Variants in AMT observed in about 807,000 individuals in gnomAD.
The protein encoded by AMT is aminomethyltransferase, mitochondrial.
Under a neutral mutation model 39.5 loss-of-function variants are expected in AMT, and 24 were observed. The observed-to-expected ratio is 0.61, with a 90% confidence interval of 0.44 to 0.86. The LOEUF (loss-of-function observed/expected upper bound fraction) is 0.86. Ranked by LOEUF, AMT falls within the 40% of genes least tolerant of loss-of-function variation. AMT has a pLI of 0.00. For synonymous variants in AMT, 210 were observed against 212.1 expected, an observed-to-expected ratio of 0.99 and a Z score of 0.09; for missense variants, 501 against 537.0, an observed-to-expected ratio of 0.93 and a Z score of 0.66.
In AMT at chr3:49,421,551, G is replaced by A. The variant is rs1126422; in HGVS notation, c.280C>T (p.Arg94Trp). The A allele has an allele frequency of 1.9e-5, 31 of 1,614,116 alleles. No homozygotes were observed. The highest frequency in any genetic ancestry group is 1.0e-4 in the Admixed American group (6 of 60,012). ...MLQTKILGSDRVKLMESLVVG... is the reference protein window; with the variant it reads ...MLQTKILGSDWVKLMESLVVG... Reference sequence around the variant, plus strand: ...ACTAGACTCTCCATCAGCTTCACCCGGTCACTACCAAGTATCTTGGTCTGG... The same window carrying A: ...ACTAGACTCTCCATCAGCTTCACCCAGTCACTACCAAGTATCTTGGTCTGG... Residue 94 changes from arginine (R) to tryptophan (W), a missense_variant, in exon 3 of 9, where the codon CGG becomes TGG. By Grantham distance (101) the Arg-to-Trp change is moderately radical (BLOSUM62 -3). Transcript: ENST00000273588.
At position 49,417,214 on chromosome 3, in the gene AMT, G is replaced by C; in HGVS notation, c.*326C>G. 6.6e-7 allele frequency: 1 copy of C among 1,513,566 alleles called. No individual in the cohort carries two copies. Among genetic ancestry groups the C allele is most frequent in the Non-Finnish European group, 9.0e-7 (1 of 1,105,940 alleles). The allele number at this position is 1,513,566 out of a possible 1,614,324, so 93.8% of individuals were successfully genotyped here. A position where few individuals can be genotyped will look rare whatever the true frequency, so the allele number is the denominator to read the frequency against. ...ATCCTCTCCACAAAGGTGAGCCTTT[G>C]CTCCACAGCCAGCACCTGGCAGAGT... On this transcript the variant is annotated 3_prime_UTR_variant, in exon 9 of 9. Coordinates refer to ENST00000273588, the MANE Select transcript of AMT (RefSeq NM_000481.4).
At position 49,422,091 on chromosome 3, in the gene AMT, T is replaced by C. The variant is rs1169535256; in HGVS notation, c.258+13A>G. On this transcript the variant is annotated intron_variant, in intron 2 of 8. Coordinates refer to ENST00000273588, the MANE Select transcript of AMT (RefSeq NM_000481.4). ...AGGCCTGATCAGATGGCCAGTGTGC[T>C]CCCCTGGCTCACCTGCAGCATATGA... The C allele has an allele frequency of 6.2e-7, 1 of 1,613,204 alleles. No individual in the cohort carries two copies. The highest frequency in any genetic ancestry group is 2.2e-5 in the East Asian group (1 of 44,888).
In AMT at chr3:49,417,000, C is replaced by T. The variant is rs757813236; in HGVS notation, c.*540G>A. ...ATGTGGAAGAGTGAGTCTATGTTCC[C>T]TCAGCCATCCCCAAGTTTACACACA... On this transcript the variant is annotated 3_prime_UTR_variant, in exon 9 of 9. Transcript: ENST00000273588. 8 of 507,222 alleles carry T rather than the reference C, an allele frequency of 1.6e-5. No homozygotes were observed. The highest frequency in any genetic ancestry group is 1.2e-4 in the African/African-American group (6 of 52,050). 31.4% of individuals were successfully genotyped at this position (507,222 alleles called of 1,614,324 possible).
At chr3:49,419,193 C>A in intron 6 of AMT, 42 bp from the exon 7 acceptor site, 1 of 1,613,720 alleles carries the variant, frequency 6.2e-7, no homozygotes, top group Non-Finnish European at 8.5e-7. Flanking sequence ...CTCCCTGTAC[C>A]ACATACCCCC....
At position 49,417,269 on chromosome 3, in the gene AMT, T is replaced by C. The variant is rs769038258; in HGVS notation, c.*271A>G. On this transcript the variant is annotated 3_prime_UTR_variant, in exon 9 of 9. Coordinates refer to ENST00000273588, the MANE Select transcript of AMT (RefSeq NM_000481.4). ...GAGATGGCAGAACCAAAGCTTCTCA[T>C]TACCCTCCAGCAGGCAAGAGTAGGT... 6.3e-7 allele frequency: 1 copy of C among 1,597,380 alleles called. No homozygotes were observed.
At position 49,417,701 on chromosome 3, in the gene AMT, A is replaced by C; in HGVS notation, c.1051T>G (p.Cys351Gly). 1 of 1,614,046 alleles carries C rather than the reference A, an allele frequency of 6.2e-7. No homozygotes were observed. The highest frequency in any genetic ancestry group is 8.5e-7 in the Non-Finnish European group (1 of 1,180,038). Residue 351 changes from cysteine to glycine, a missense_variant, in exon 9 of 9, where the codon TGC becomes GGC. Physicochemically the swap from Cys to Gly is radical, Grantham distance 159. Coordinates refer to ENST00000273588, the MANE Select transcript of AMT (RefSeq NM_000481.4). ...GTKIGTVTSG[C>G]PSPSLKKNVA... ...TTCTTCTTCAGAGAGGGGGAGGGGC[A>C]GCCACTAGTCACAGTACCTGTCAAG...
In AMT at chr3:49,419,094, C is replaced by T. The variant is rs144698224; in HGVS notation, c.754G>A (p.Glu252Lys). The T allele has an allele frequency of 4.3e-6, 7 of 1,614,012 alleles. No individual in the cohort carries two copies. The highest frequency in any genetic ancestry group is 5.9e-6 in the Non-Finnish European group (7 of 1,180,036). ...HLATAILKNP[E>K]VKLAGLAARD... Reference sequence around the variant, plus strand: ...GCTGCCAGCCCTGCCAGCTTCACCTCTGGGTTTTTCAGAATAGCTGTTGCC... The same window carrying T: ...GCTGCCAGCCCTGCCAGCTTCACCTTTGGGTTTTTCAGAATAGCTGTTGCC... The change falls in exon 7 of 9, where the codon GAG (glutamate) becomes AAG (lysine). Residue 252 changes from glutamate to lysine, a missense_variant. Transcript: ENST00000273588.
rs2049101722 is a variant in AMT, at chr3:49,421,517, T to C, written c.314A>G (p.Asp105Gly). Residue 105 changes from aspartate (D) to glycine (G), a missense_variant, in exon 3 of 9, where the codon GAC becomes GGC. Physicochemically the swap from Asp to Gly is moderately conservative, Grantham distance 94 (BLOSUM62 -1). Coordinates refer to ENST00000273588, the MANE Select transcript of AMT (RefSeq NM_000481.4). ...VKLMESLVVG[D>G]IAELRPNQGT... ...CTGGTTTGGTCTTAGCTCTGCAATG[T>C]CTCCAACCACTAGACTCTCCATCAG... 1.9e-6 allele frequency: 3 copies of C among 1,614,174 alleles called. No homozygotes were observed. Among genetic ancestry groups the C allele is most frequent in the Non-Finnish European group, 2.5e-6 (3 of 1,180,026 alleles).
intron 7 of AMT, 99 bp downstream of exon 7, chr3:49,418,872 T>G (rs967516619): frequency 1.6e-5 from 21 of 1,346,968 alleles, no homozygotes; most frequent in East Asian, 4.6e-5. Context: ...CAGGAAGGCT[T>G]CAGGCTACAT....
chr3:49,418,218 G>A (rs1448715309), intron 7 of AMT: 2 of 538,954 alleles, frequency 3.7e-6, no homozygotes, highest in East Asian at 6.5e-5. Context: ...GAGTCACTCT[G>A]TCGCCCAGGC....
Position 49,416,972 on chromosome 3 carries a change from G to A in AMT, c.*568C>T. The stretch of plus-strand genomic sequence containing the variant: ...CTGGGCAGCACACTAGACCAACTTG[G>A]GAATGTGGAAGAGTGAGTCTATGTT... On this transcript the variant is annotated 3_prime_UTR_variant, in exon 9 of 9. Coordinates refer to ENST00000273588, the MANE Select transcript of AMT (RefSeq NM_000481.4). 2.1e-6 allele frequency: 1 copy of A among 478,748 alleles called. No individual in the cohort carries two copies. The allele number at this position is 478,748 out of a possible 1,614,324, so 29.7% of individuals were successfully genotyped here.
chr3:49,419,168 A>G lies in AMT; in HGVS notation c.697-17T>C. ...CACCGAGATCTGTATGAAACACCAGAGGGCAGATGGGAAGCTCCCTGTACC... is the reference window on the plus strand; with the variant it reads ...CACCGAGATCTGTATGAAACACCAGGGGGCAGATGGGAAGCTCCCTGTACC... On this transcript the variant is annotated splice_polypyrimidine_tract_variant and intron_variant, in intron 6 of 8. Coordinates refer to ENST00000273588, the MANE Select transcript of AMT (RefSeq NM_000481.4). The G allele has an allele frequency of 6.2e-7, 1 of 1,612,808 alleles. No individual in the cohort carries two copies. Among genetic ancestry groups the G allele is most frequent in the South Asian group, 1.1e-5 (1 of 90,992 alleles).
At chr3:49,418,148 T>C in intron 7 of AMT, 175 bp from the exon 8 acceptor site, 1 of 728,092 alleles carries the variant, frequency 1.4e-6, no homozygotes, top group South Asian at 1.7e-5. Context: ...TCCTATCCCC[T>C]GGAGGCCATG....
In AMT at chr3:49,417,493, T is replaced by C; in HGVS notation, c.*47A>G. 1 of 1,614,128 alleles carries C rather than the reference T, an allele frequency of 6.2e-7. No individual in the cohort carries two copies. The highest frequency in any genetic ancestry group is 8.5e-7 in the Non-Finnish European group (1 of 1,180,022). The stretch of plus-strand genomic sequence containing the variant: ...TGCCTCAGCTTCTTGACTAACCCCT[T>C]GTAGGGGCAAAACTCCTGGAAGGGA... On this transcript the variant is annotated 3_prime_UTR_variant, in exon 9 of 9. Transcript: ENST00000273588.
chr3:49,418,082 CT>C, intron 7 of AMT, 109 bp from the exon 8 acceptor site: 4 of 1,385,302 alleles, frequency 2.9e-6, no homozygotes, highest in Middle Eastern at 4.9e-4. Flanking sequence ...GGCCCCTTTG[CT>C]TGGGCTACTC....
intron 4 of AMT, chr3:49,420,010 C>A (rs1255311593): frequency 2.4e-6 from 2 of 817,346 alleles, no homozygotes; most frequent in Non-Finnish European, 4.0e-6. Flanking sequence ...GGGGCCAAGA[C>A]CCCCTCCCCA....
chr3:49,417,590 C>T lies in AMT; in HGVS notation c.1162G>A (p.Val388Ile), dbSNP rs749359730. Reference protein sequence around the residue: ...VEVRRKQQMAVVSKMPFVPTN... With the variant: ...VEVRRKQQMAIVSKMPFVPTN... ...GGCACAAAGGGCATCTTGCTGACTA[C>T]AGCCATCTGCTGCTTCCGCCGCACC... The change falls in exon 9 of 9, where the codon GTA becomes ATA. Residue 388 changes from valine to isoleucine, a missense_variant. Coordinates refer to ENST00000273588, the MANE Select transcript of AMT (RefSeq NM_000481.4). 5.0e-6 allele frequency: 8 copies of T among 1,614,062 alleles called. No homozygotes were observed. Among genetic ancestry groups the T allele is most frequent in the African/African-American group, 2.7e-5 (2 of 74,916 alleles).
intron 5 of AMT, 90 bp from the exon 6 acceptor site, chr3:49,419,495 T>C (rs749940667): frequency 1.9e-6 from 3 of 1,567,566 alleles, no homozygotes; most frequent in African/African-American, 1.4e-5. Flanking sequence ...GAACAAGCCC[T>C]GAGCATGTCT....
At chr3:49,418,799 C>G (rs2049045862) in intron 7 of AMT, 172 bp downstream of exon 7, 1 of 725,518 alleles carries the variant, frequency 1.4e-6, no homozygotes, top group Admixed American at 2.2e-5. Context: ...GCCACCGCAT[C>G]CGGCCAACAT....
Sources: allele counts gnomAD v4.1 joint callset, GRCh38; gene constraint gnomAD v4.1.1; transcripts MANE v1.5; gene names NCBI Gene and HGNC (gene_info 2026-07-23, HGNC 2026-07-21).